The following TENM2 variants were observed in gnomAD, a reference collection of about 807,000 sequenced individuals.
The protein encoded by TENM2 is teneurin-2.
A neutral mutation model predicts 245.2 loss-of-function variants in TENM2; 52 were observed. The ratio of observed to expected loss-of-function variants is 0.21; its 90% CI spans 0.17 to 0.27. The LOEUF (loss-of-function observed/expected upper bound fraction) is 0.27. TENM2 is among the 10% of genes least tolerant of loss of function. TENM2 has a pLI of 1.00. For synonymous variants in TENM2, 1,363 were observed against 1,438.9 expected, an observed-to-expected ratio of 0.95 and a Z score of 1.19; for missense variants, 3,046 against 3,666.8, an observed-to-expected ratio of 0.83 and a Z score of 4.37.
chr5:168,057,930 C>T (rs1789694662), intron 6 of TENM2, among the ~76,000 whole-genome samples: 1 of 151,898 alleles, frequency 6.6e-6, no homozygotes, highest in Non-Finnish European at 1.5e-5. Context: ...TACTCTCTCT[C>T]TCTCTCTGGG....
intron 12 of TENM2, among the ~76,000 whole-genome samples, chr5:168,144,302 G>C (rs1316238714): frequency 6.6e-6 from 1 of 151,836 alleles, no homozygotes; most frequent in African/African-American, 2.4e-5. Flanking sequence ...CTAGCATTAG[G>C]TATCTCTCCC....
chr5:167,367,366 C>T (rs758496479), intron 1 of TENM2, among the ~76,000 whole-genome samples: 2 of 152,114 alleles, frequency 1.3e-5, no homozygotes, highest in African/African-American at 2.4e-5. Context: ...TTAAAGCACA[C>T]TTCTGAAATA....
intron 3 of TENM2, chr5:167,937,581 G>C (rs1778823353): frequency 6.6e-6 from 1 of 152,088 alleles, no homozygotes; most frequent in Admixed American, 6.5e-5. Context: ...ATCATGAGCT[G>C]CTTCTGGTTA....
intron 9 of TENM2, among the ~76,000 whole-genome samples, chr5:168,109,480 G>C (rs2337119): frequency 0.1 from 15,443 of 152,172 alleles, 1,138 homozygotes; most frequent in East Asian, 0.32. Context: ...CCTTGCCCAG[G>C]TATGGTTTTT....
chr5:167,153,836 A>G, the TENM2 span, among the ~76,000 whole-genome samples: 11 of 152,326 alleles, frequency 7.2e-5, no homozygotes, highest in South Asian at 1.0e-3. Context: ...CCTTTGTCAC[A>G]ATTAATGTAA....
In TENM2 at chr5:167,908,145, G is replaced by A. The variant is rs971073174; in HGVS notation, c.712+31950G>A. Among the ~76,000 whole-genome samples, 4 of 152,124 alleles carry A rather than the reference G, an allele frequency of 2.6e-5. No homozygotes were observed. The East Asian group carries it at 5.8e-4, about 22-fold the overall frequency. On this transcript the variant is annotated intron_variant, in intron 3 of 28. Coordinates refer to ENST00000518659, the Ensembl canonical transcript of TENM2. ...TACTTCTGGCCAATTATTGGTTCTC[G>A]GAATCACTCTGTCCTAGACTTTCTC...
At chr5:167,744,870 C>A (rs542399705) in intron 2 of TENM2, among the ~76,000 whole-genome samples, 42 of 152,144 alleles carry the variant, frequency 2.8e-4, no homozygotes, top group Non-Finnish European at 5.4e-4. Context: ...GGTTTAGTAT[C>A]CTCCTAGGAC....
chr5:167,417,264 A>G (rs191252034), intron 2 of TENM2, among the ~76,000 whole-genome samples: 113 of 152,212 alleles, frequency 7.4e-4, no homozygotes, highest in African/African-American at 2.6e-3. Context: ...TCCAAGTCTA[A>G]TTTAACACCA....
At chr5:167,248,548 A>C in the TENM2 span, among the ~76,000 whole-genome samples, 1 of 152,120 alleles carries the variant, frequency 6.6e-6, no homozygotes, top group Non-Finnish European at 1.5e-5. Context: ...AAAACGCTAG[A>C]GGAAGAAGCA....
chr5:167,744,696 G>C (rs1761434139), intron 2 of TENM2, among the ~76,000 whole-genome samples: 1 of 152,104 alleles, frequency 6.6e-6, no homozygotes, highest in Non-Finnish European at 1.5e-5. Context: ...CACCCTCAGA[G>C]AAGGGGGACT....
At chr5:167,438,430 T>G (rs80329917) in intron 2 of TENM2, among the ~76,000 whole-genome samples, 3,070 of 152,306 alleles carry the variant, frequency 0.02, 91 homozygotes, top group South Asian at 0.1. Flanking sequence ...AAATGGAGCT[T>G]GAACAGGCTG....
chr5:168,086,452 G>GTGGGTTATTT (rs1266580175), intron 7 of TENM2, among the ~76,000 whole-genome samples: 1 of 152,196 alleles, frequency 6.6e-6, no homozygotes, highest in Admixed American at 6.5e-5. Flanking sequence ...GCATGCCAAC[G>GTGGGTTATTT]TGGGTTATTT....
At chr5:167,552,442 G>A (rs548882533) in intron 2 of TENM2, among the ~76,000 whole-genome samples, 1 of 152,104 alleles carries the variant, frequency 6.6e-6, no homozygotes, top group East Asian at 1.9e-4. Flanking sequence ...TTTTTGAAAC[G>A]CTTCTTAGGA....
At chr5:168,044,897 T>C (rs1038467817) in intron 5 of TENM2, among the ~76,000 whole-genome samples, 1 of 151,888 alleles carries the variant, frequency 6.6e-6, no homozygotes, top group Non-Finnish European at 1.5e-5. Context: ...CATCTCGTTT[T>C]CTTACTCAAG....
the TENM2 span, among the ~76,000 whole-genome samples, chr5:167,195,349 C>T: frequency 6.6e-6 from 1 of 151,992 alleles, no homozygotes. Flanking sequence ...GGGAATGGTT[C>T]TTTCAGACAG....
the TENM2 span, among the ~76,000 whole-genome samples, chr5:167,192,113 T>G: frequency 6.6e-6 from 1 of 152,058 alleles, no homozygotes; most frequent in Non-Finnish European, 1.5e-5. Flanking sequence ...AAAGCTGTGT[T>G]CAGTGCTCCA....
At chr5:167,678,572 G>A (rs150349585) in intron 2 of TENM2, among the ~76,000 whole-genome samples, 8 of 152,188 alleles carry the variant, frequency 5.3e-5, no homozygotes, top group African/African-American at 1.9e-4. Context: ...TTTGATTCCA[G>A]CCCCAGCCAC....
chr5:168,196,434 G>A (rs113018205), intron 15 of TENM2, among the ~76,000 whole-genome samples: 1,652 of 152,242 alleles, frequency 0.011, 43 homozygotes, highest in African/African-American at 0.038. Flanking sequence ...GCCCTTGTTC[G>A]TTCTTAGAAG....
At chr5:167,445,369 A>AGAGAGT (rs35699708) in intron 2 of TENM2, among the ~76,000 whole-genome samples, 3,100 of 98,168 alleles carry the variant, frequency 0.032, 100 homozygotes, top group Admixed American at 0.072. Context: ...AGAGAGAGAG[A>AGAGAGT]GTGTCAGGTG....
Sources: allele counts gnomAD v4.1 joint callset (sites outside exome capture counted in the v4.1 genomes callset), GRCh38; gene constraint gnomAD v4.1.1; transcripts MANE v1.5; gene names NCBI Gene and HGNC (gene_info 2026-07-23, HGNC 2026-07-21).